Variants in VWA3B observed in about 807,000 individuals in gnomAD.
VWA3B encodes von Willebrand factor A domain containing 3B.
In VWA3B, 138 loss-of-function variants were observed where a neutral mutation model predicts 158.3. The ratio of observed to expected loss-of-function variants is 0.87; its 90% CI spans 0.76 to 1.00. The LOEUF is 1.00. Among genes scored for constraint, VWA3B ranks in the 50% least tolerant of loss-of-function variants. The probability of loss-of-function intolerance (pLI) is 0.00; values close to 1 mark genes in which losing one functional copy is unlikely to be tolerated. For synonymous variants in VWA3B, 596 were observed against 587.3 expected (o/e 1.01, Z -0.21); for missense variants, 1,555 against 1,565.1 (o/e 0.99, Z 0.11).
At chr2:98,160,689 A>T (rs560840448) in intron 7 of VWA3B, among the ~76,000 whole-genome samples, 2 of 152,348 alleles carry the variant, frequency 1.3e-5, no homozygotes, top group East Asian at 3.9e-4. Context: ...AGCAGCTGGC[A>T]GTCTGTCTTG....
intron 22 of VWA3B, among the ~76,000 whole-genome samples, chr2:98,279,942 G>A (rs1232775648): frequency 6.6e-6 from 1 of 152,220 alleles, no homozygotes; most frequent in Non-Finnish European, 1.5e-5. Flanking sequence ...GTCTTGAAAA[G>A]TTTTCTTAAA....
intron 21 of VWA3B, among the ~76,000 whole-genome samples, chr2:98,265,109 T>A (rs1390077069): frequency 6.6e-6 from 1 of 151,638 alleles, no homozygotes. Flanking sequence ...TAGTTACATA[T>A]GTATACATGT....
At chr2:98,196,957 A>G (rs535565564) in intron 12 of VWA3B, among the ~76,000 whole-genome samples, 83 of 152,348 alleles carry the variant, frequency 5.4e-4, no homozygotes, top group African/African-American at 1.7e-3. Context: ...TGGTATAATT[A>G]TAAAACTAAG....
chr2:98,198,726 T>C (rs1488730557), intron 12 of VWA3B, among the ~76,000 whole-genome samples: 1 of 152,146 alleles, frequency 6.6e-6, no homozygotes, highest in Non-Finnish European at 1.5e-5. Context: ...TCTCTGTCCT[T>C]ATAGCTTTTC....
At chr2:98,246,295 CTCCTTTTTGT>C (rs1221215214) in intron 19 of VWA3B, among the ~76,000 whole-genome samples, 1 of 152,048 alleles carries the variant, frequency 6.6e-6, no homozygotes, top group East Asian at 1.9e-4. Flanking sequence ...ACCTGTGCAA[CTCCTTTTTGT>C]TCCACTTTCC....
chr2:98,197,248 G>T (rs996484365), intron 12 of VWA3B, among the ~76,000 whole-genome samples: 5 of 152,154 alleles, frequency 3.3e-5, no homozygotes, highest in African/African-American at 1.2e-4. Flanking sequence ...TTATGGATTT[G>T]GGGGAGGGAA....
chr2:98,092,816 GTA>G (rs70940110), intron 1 of VWA3B, among the ~76,000 whole-genome samples: 4,973 of 50,898 alleles, frequency 0.098, 129 homozygotes, highest in Non-Finnish European at 0.11. Context: ...AGATGTTTTT[GTA>G]TATATATATA....
intron 1 of VWA3B, among the ~76,000 whole-genome samples, 200 bp from the exon 2 acceptor site, chr2:98,092,837 TATATATATATATATATATATATAG>T (rs1211128763): frequency 1.6e-5 from 2 of 125,298 alleles, no homozygotes; most frequent in Non-Finnish European, 3.3e-5. Flanking sequence ...TATATATATA[TATATATATATATATATATATATAG>T]TTGAATATTG....
intron 11 of VWA3B, among the ~76,000 whole-genome samples, chr2:98,193,466 A>G (rs1681765789): frequency 6.6e-6 from 1 of 152,240 alleles, no homozygotes; most frequent in South Asian, 2.1e-4. Flanking sequence ...GAACTGAAGC[A>G]GGTTGCCCAA....
chr2:98,328,094 A>G, the VWA3B span, among the ~76,000 whole-genome samples: 23 of 152,228 alleles, frequency 1.5e-4, no homozygotes, highest in Non-Finnish European at 2.1e-4. Context: ...GCTACAAGGG[A>G]CCTCACCTCT....
downstream of VWA3B, among the ~76,000 whole-genome samples, chr2:98,316,494 A>C (rs1255152956): frequency 6.6e-6 from 1 of 151,964 alleles, no homozygotes; most frequent in Non-Finnish European, 1.5e-5. Context: ...AATACAAAAA[A>C]ATTGCTGGGT....
At chr2:98,122,246 T>A (rs540946909) in intron 5 of VWA3B, 1 of 152,296 alleles carries the variant, frequency 6.6e-6, no homozygotes, top group East Asian at 1.9e-4. Context: ...GGACTCCCTG[T>A]GGGAAGGTCT....
At chr2:98,295,701 G>A (rs1187841355) in intron 23 of VWA3B, among the ~76,000 whole-genome samples, 1 of 152,200 alleles carries the variant, frequency 6.6e-6, no homozygotes, top group East Asian at 1.9e-4. Flanking sequence ...TTTCAGAGCT[G>A]GGAGACACAG....
At chr2:98,285,396 C>T (rs983809126) in intron 22 of VWA3B, among the ~76,000 whole-genome samples, 3 of 151,936 alleles carry the variant, frequency 2.0e-5, no homozygotes, top group Non-Finnish European at 4.4e-5. Context: ...TGATATGAAT[C>T]CTCATATACA....
At chr2:98,091,385 G>T (rs149994608) in intron 1 of VWA3B, among the ~76,000 whole-genome samples, 1 of 152,156 alleles carries the variant, frequency 6.6e-6, no homozygotes, top group South Asian at 2.1e-4. Context: ...GAGCTAGTGC[G>T]TATAAAAGGA....
At chr2:98,243,961 A>T (rs1686234831) in intron 19 of VWA3B, among the ~76,000 whole-genome samples, 1 of 152,226 alleles carries the variant, frequency 6.6e-6, no homozygotes, top group South Asian at 2.1e-4. Context: ...AAAAACAGTG[A>T]AGTTGGAGAA....
At chr2:98,217,553 A>G (rs1684131880) in intron 13 of VWA3B, among the ~76,000 whole-genome samples, 1 of 152,234 alleles carries the variant, frequency 6.6e-6, no homozygotes, top group African/African-American at 2.4e-5. Context: ...AAGTTCAGGC[A>G]CACCTAAAGT....
At chr2:98,096,770 C>T (rs549301216) in intron 2 of VWA3B, among the ~76,000 whole-genome samples, 2 of 152,158 alleles carry the variant, frequency 1.3e-5, no homozygotes, top group South Asian at 2.1e-4. Context: ...TGTAATTTTT[C>T]CTTTTTTACC....
At position 98,121,392 on chromosome 2, in the gene VWA3B, G is replaced by A. The variant is rs748095985; in HGVS notation, c.636G>A (p.Thr212=). The change falls in exon 5 of 28, where the codon ACG becomes ACA. Residue 212 remains threonine (T), a synonymous_variant. Coordinates refer to ENST00000477737, the MANE Select transcript of VWA3B (RefSeq NM_144992.5). ...CCATCAGTTGGGTTGAGAAACTGAC[G>A]GTTGAGCTGACTGTGAGCGAGGCTG... is the stretch of plus-strand genomic sequence containing the variant. ...ATAISWVEKL[T]VELTVSEAGR... The A allele has an allele frequency of 1.9e-5, 30 of 1,614,118 alleles. 1 individual carries two copies. The East Asian group carries it at 4.7e-4, about 25-fold the overall frequency.
Sources: gnomAD v4.1 joint callset for allele counts (sites outside exome capture counted in the v4.1 genomes callset) on GRCh38, gnomAD v4.1.1 for gene constraint, MANE v1.5 for transcripts, NCBI Gene and HGNC (gene_info 2026-07-23, HGNC 2026-07-21) for gene names.